The following CORO2B variants were observed in gnomAD, a reference collection of about 807,000 sequenced individuals.
CORO2B encodes the protein coronin-2B.
Under a neutral mutation model 58.8 loss-of-function variants are expected in CORO2B, and 26 were observed. The observed-to-expected ratio is 0.44, with a 90% CI of 0.32 to 0.61. CORO2B has a LOEUF of 0.61. Ranked by LOEUF, CORO2B falls within the 20% of genes least tolerant of loss-of-function variation. The probability of loss-of-function intolerance (pLI) is 0.04; values close to 1 mark genes in which losing one functional copy is unlikely to be tolerated. For synonymous variants in CORO2B, 242 were observed against 253.8 expected, an observed-to-expected ratio of 0.95 and a Z score of 0.44; for missense variants, 460 against 645.1, an observed-to-expected ratio of 0.71 and a Z score of 3.11.
the CORO2B span, among the ~76,000 whole-genome samples, chr15:68,552,798 C>T: frequency 6.6e-6 from 1 of 152,228 alleles, no homozygotes; most frequent in African/African-American, 2.4e-5. Context: ...CCAGACCTTT[C>T]CTCAAGAAGT....
the CORO2B span, among the ~76,000 whole-genome samples, chr15:68,533,280 TG>T: frequency 4.5e-4 from 68 of 152,308 alleles, no homozygotes; most frequent in Non-Finnish European, 8.7e-4. Flanking sequence ...TAGTTTACTA[TG>T]ATGGAAAGGT....
chr15:68,702,448 C>T (rs769099219), intron 3 of CORO2B, among the ~76,000 whole-genome samples: 1 of 152,196 alleles, frequency 6.6e-6, no homozygotes, highest in Non-Finnish European at 1.5e-5. Flanking sequence ...TCCTACCTCC[C>T]TGGGTTTGGT....
At chr15:68,624,633 G>A (rs956986384) in intron 1 of CORO2B, among the ~76,000 whole-genome samples, 11 of 151,606 alleles carry the variant, frequency 7.3e-5, no homozygotes, top group African/African-American at 2.4e-4. Flanking sequence ...CATGCCCAGA[G>A]ATTATAATTC....
intron 1 of CORO2B, among the ~76,000 whole-genome samples, chr15:68,604,523 G>A (rs997636327): frequency 4.6e-5 from 7 of 151,164 alleles, no homozygotes; most frequent in Admixed American, 1.3e-4. Flanking sequence ...TTTAAAAGGC[G>A]ACTTTATCTC....
chr15:68,672,636 A>G (rs1402829713), intron 2 of CORO2B, among the ~76,000 whole-genome samples: 1 of 152,232 alleles, frequency 6.6e-6, no homozygotes, highest in African/African-American at 2.4e-5. Flanking sequence ...CTGACTCTCA[A>G]AAGAGACTGC....
chr15:68,602,407 TCACA>T (rs370587519), intron 1 of CORO2B, among the ~76,000 whole-genome samples: 3,519 of 138,968 alleles, frequency 0.025, 99 homozygotes, highest in African/African-American at 0.065. Context: ...TAGGGGCTGA[TCACA>T]CACACACACA....
At chr15:68,719,764 C>G (rs1463355586) in intron 11 of CORO2B, among the ~76,000 whole-genome samples, 14 of 152,200 alleles carry the variant, frequency 9.2e-5, no homozygotes, top group Non-Finnish European at 2.1e-4. Flanking sequence ...CCACACCACC[C>G]CCACGCCTCA....
the CORO2B span, among the ~76,000 whole-genome samples, chr15:68,523,899 G>A: frequency 6.6e-6 from 1 of 152,074 alleles, no homozygotes; most frequent in African/African-American, 2.4e-5. Context: ...TGCCTTGGGT[G>A]TCCTACAATT....
intron 1 of CORO2B, chr15:68,632,023 G>A: frequency 1.0e-6 from 1 of 985,446 alleles, no homozygotes. Flanking sequence ...GAGGGAGGCA[G>A]GGCTAGAGGG....
At chr15:68,673,113 T>G (rs1046576088) in intron 2 of CORO2B, among the ~76,000 whole-genome samples, 2 of 151,714 alleles carry the variant, frequency 1.3e-5, no homozygotes, top group Admixed American at 1.3e-4. Flanking sequence ...AGCCGGTAGG[T>G]GGGTGGTGGA....
At chr15:68,545,184 C>G in the CORO2B span, among the ~76,000 whole-genome samples, 2 of 152,218 alleles carry the variant, frequency 1.3e-5, no homozygotes, top group African/African-American at 4.8e-5. Context: ...GGAGGAAAAA[C>G]TGGGAGATGG....
chr15:68,553,670 G>C, the CORO2B span, among the ~76,000 whole-genome samples: 1 of 152,238 alleles, frequency 6.6e-6, no homozygotes, highest in African/African-American at 2.4e-5. Context: ...ATGTCTAGAA[G>C]AGTTTTAAAG....
At chr15:68,528,683 C>A in the CORO2B span, among the ~76,000 whole-genome samples, 2 of 137,602 alleles carry the variant, frequency 1.5e-5, no homozygotes, top group African/African-American at 5.4e-5. Context: ...CCTCTTTTTT[C>A]TGAGTGTTTT....
At chr15:68,662,622 C>T (rs1474682527) in intron 2 of CORO2B, among the ~76,000 whole-genome samples, 1 of 152,212 alleles carries the variant, frequency 6.6e-6, no homozygotes, top group African/African-American at 2.4e-5. Context: ...ATTAGCCTCA[C>T]ATGCATTTTA....
At position 68,698,526 on chromosome 15, in the gene CORO2B, C is replaced by T. The variant is rs191188950; in HGVS notation, c.333+3270C>T. ...CAAGAAAAACATAAGGCTGCATCCCCGGCCACATGAGCCAAGAGACTCTGT... is the reference window on the plus strand; with the variant it reads ...CAAGAAAAACATAAGGCTGCATCCCTGGCCACATGAGCCAAGAGACTCTGT... On this transcript the variant is annotated intron_variant, in intron 3 of 11. Transcript: ENST00000261861. Among the ~76,000 whole-genome samples, 41 of 152,330 alleles carry T rather than the reference C, an allele frequency of 2.7e-4. 1 individual carries two copies. The highest frequency in any genetic ancestry group is 1.6e-3 in the Admixed American group (24 of 15,296).
At chr15:68,567,779 T>C in the CORO2B span, among the ~76,000 whole-genome samples, 1 of 152,226 alleles carries the variant, frequency 6.6e-6, no homozygotes, top group African/African-American at 2.4e-5. Context: ...CCCAGCACTT[T>C]GGGAGGCCAA....
In CORO2B at chr15:68,677,605, G is replaced by A. The variant is rs183065974; in HGVS notation, c.217-17535G>A. 2.9e-3 allele frequency among the ~76,000 whole-genome samples: 441 copies of A among 152,244 alleles called. 5 individuals are homozygous for A. The highest frequency in any genetic ancestry group is 3.5e-3 in the Admixed American group (54 of 15,296). On this transcript the variant is annotated intron_variant, in intron 2 of 11. Transcript: ENST00000261861. ...GGAGAGGCAAAGGTTACTTGGGAGC[G>A]GACCTTCAAAACCTCCATGGGCAGG...
chr15:68,640,691 G>A (rs954524792), intron 1 of CORO2B, among the ~76,000 whole-genome samples: 2 of 152,160 alleles, frequency 1.3e-5, no homozygotes, highest in African/African-American at 4.8e-5. Flanking sequence ...ACTGAGGAAT[G>A]GTCAGTTTTC....
intron 2 of CORO2B, among the ~76,000 whole-genome samples, chr15:68,685,925 G>A (rs1902955386): frequency 1.3e-5 from 2 of 151,938 alleles, no homozygotes; most frequent in South Asian, 2.1e-4. Context: ...GAGTAGGAAG[G>A]GAGGGTCTCC....
Sources: allele counts gnomAD v4.1 joint callset (sites outside exome capture counted in the v4.1 genomes callset), GRCh38; gene constraint gnomAD v4.1.1; transcripts MANE v1.5; gene names NCBI Gene and HGNC (gene_info 2026-07-23, HGNC 2026-07-21).